The following SLC38A4 variants were observed in gnomAD, a reference collection of about 807,000 sequenced individuals.
SLC38A4 encodes the protein sodium-coupled neutral amino acid transporter 4.
In SLC38A4, 20 loss-of-function variants were observed where a neutral mutation model predicts 63.1. The ratio of observed to expected loss-of-function variants is 0.32; its 90% CI spans 0.22 to 0.46. The LOEUF (loss-of-function observed/expected upper bound fraction) is 0.46. Ranked by LOEUF, SLC38A4 falls within the 20% of genes least tolerant of loss-of-function variation. The pLI, the probability that SLC38A4 is intolerant of heterozygous loss-of-function variation, is 1.00. For synonymous variants in SLC38A4, 230 were observed against 225.5 expected (o/e 1.02, Z -0.18); for missense variants, 526 against 663.6 (o/e 0.79, Z 2.28).
intron 1 of SLC38A4, among the ~76,000 whole-genome samples, chr12:46,814,573 C>T (rs1052026669): frequency 1.3e-5 from 2 of 151,916 alleles, no homozygotes; most frequent in African/African-American, 4.8e-5. Flanking sequence ...AAGTGACCTA[C>T]ATTTCACTCA....
chr12:46,796,756 G>T (rs1326860916), intron 2 of SLC38A4, among the ~76,000 whole-genome samples: 1 of 26,802 alleles, frequency 3.7e-5, no homozygotes, highest in Non-Finnish European at 3.7e-4. Flanking sequence ...ATCCTCCCTT[G>T]AGGTTTCTTT....
At position 46,765,036 on chromosome 12, in the gene SLC38A4, T is replaced by C. The variant is rs1294985775; in HGVS notation, c.*1665A>G. Reference sequence around the variant, plus strand: ...ATTCAGAAGATACCTTTTTCCACTTTTTATTTTTGTATACTTTTTAGATGA... The same window carrying C: ...ATTCAGAAGATACCTTTTTCCACTTCTTATTTTTGTATACTTTTTAGATGA... On this transcript the variant is annotated 3_prime_UTR_variant, in exon 17 of 17. Transcript: ENST00000266579. 2 of 152,670 alleles carry C rather than the reference T, an allele frequency of 1.3e-5. No individual in the cohort carries two copies. The highest frequency in any genetic ancestry group is 2.9e-5 in the Non-Finnish European group (2 of 68,058). 9.5% of individuals were successfully genotyped at this position (152,670 alleles called of 1,614,324 possible).
chr12:46,830,298 T>TCTCACA (rs1180274940), upstream of SLC38A4, among the ~76,000 whole-genome samples: 1,283 of 148,388 alleles, frequency 8.6e-3, 21 homozygotes, highest in African/African-American at 0.031. Flanking sequence ...TCTCTCTCTC[T>TCTCACA]CACACACACA....
intron 14 of SLC38A4, among the ~76,000 whole-genome samples, chr12:46,770,863 G>A (rs1203830446): frequency 1.3e-5 from 2 of 152,044 alleles, no homozygotes; most frequent in African/African-American, 2.4e-5. Context: ...GTCACTTAAG[G>A]TGCAGAGATG....
At chr12:46,768,076 C>T (rs1442839510) in intron 16 of SLC38A4, among the ~76,000 whole-genome samples, 1 of 152,092 alleles carries the variant, frequency 6.6e-6, no homozygotes, top group Non-Finnish European at 1.5e-5. Flanking sequence ...GTGGGAAAGG[C>T]TACTACTATT....
At position 46,778,614 on chromosome 12, in the gene SLC38A4, G is replaced by A. The variant is rs769933349; in HGVS notation, c.880C>T (p.Pro294Ser). ...NFMMDYTHRN[P>S]AGLDENQAKG... ...GCCTGGTTCTCATCCAGCCCTGCAGGATTGCGGTGGGTGTAATCCATCATG... is the reference window on the plus strand; with the variant it reads ...GCCTGGTTCTCATCCAGCCCTGCAGAATTGCGGTGGGTGTAATCCATCATG... Residue 294 changes from proline to serine, a missense_variant, in exon 11 of 17, where the codon CCT (proline) becomes TCT (serine). Physicochemically the swap from Pro to Ser is moderately conservative, Grantham distance 74 (BLOSUM62 -1). Coordinates refer to ENST00000266579, the MANE Select transcript of SLC38A4 (RefSeq NM_018018.5). The A allele has an allele frequency of 6.2e-7, 1 of 1,613,096 alleles. No homozygotes were observed. The highest frequency in any genetic ancestry group is 1.1e-5 in the South Asian group (1 of 91,062).
intron 2 of SLC38A4, among the ~76,000 whole-genome samples, chr12:46,797,001 A>G (rs1316674566): frequency 6.6e-6 from 1 of 152,078 alleles, no homozygotes; most frequent in East Asian, 1.9e-4. Flanking sequence ...TCTGCCTTCT[A>G]GGAATTCTCA....
intron 1 of SLC38A4, among the ~76,000 whole-genome samples, chr12:46,813,813 T>TC (rs1158614516): frequency 1.3e-5 from 2 of 152,014 alleles, no homozygotes. Context: ...ATAATAATAG[T>TC]GCCTACCTCA....
At chr12:46,784,709 T>C in intron 6 of SLC38A4, 75 bp from the exon 7 acceptor site, 1 of 1,154,962 alleles carries the variant, frequency 8.7e-7, no homozygotes, top group Non-Finnish European at 1.3e-6. Flanking sequence ...TATAATTCCA[T>C]GCTGGAGTCT....
chr12:46,817,226 C>T (rs2120909912), intron 1 of SLC38A4, among the ~76,000 whole-genome samples: 1 of 151,970 alleles, frequency 6.6e-6, no homozygotes, highest in Admixed American at 6.6e-5. Context: ...TGGTTCTGTA[C>T]AAGAGTTCCA....
At chr12:46,830,437 ACCC>A (rs1452073601), upstream of SLC38A4, among the ~76,000 whole-genome samples, 1 of 151,344 alleles carries the variant, frequency 6.6e-6, no homozygotes, top group Non-Finnish European at 1.5e-5. Flanking sequence ...GATTTCTCCC[ACCC>A]CCTGCTAGGC....
At chr12:46,799,069 GTT>G (rs1939075734) in intron 2 of SLC38A4, among the ~76,000 whole-genome samples, 1 of 152,134 alleles carries the variant, frequency 6.6e-6, no homozygotes, top group Non-Finnish European at 1.5e-5. Context: ...GAGTGTCAAA[GTT>G]TGGCCTATAG....
chr12:46,822,420 C>A (rs1490882980), intron 1 of SLC38A4, among the ~76,000 whole-genome samples: 2 of 152,010 alleles, frequency 1.3e-5, no homozygotes, highest in Non-Finnish European at 2.9e-5. Context: ...GGGACCCTAC[C>A]CCTTCTTATG....
chr12:46,822,238 T>A (rs766032124), intron 1 of SLC38A4, among the ~76,000 whole-genome samples: 2 of 152,116 alleles, frequency 1.3e-5, no homozygotes, highest in Non-Finnish European at 2.9e-5. Flanking sequence ...AGGGTAATTA[T>A]TTAAGATACA....
At chr12:46,825,623 T>C (rs1270834907) in intron 1 of SLC38A4, among the ~76,000 whole-genome samples, 1 of 152,086 alleles carries the variant, frequency 6.6e-6, no homozygotes. Flanking sequence ...GTCAGTTTGG[T>C]CATACGGTTT....
upstream of SLC38A4, among the ~76,000 whole-genome samples, chr12:46,826,932 CAG>C (rs1172868771): frequency 3.9e-5 from 6 of 152,112 alleles, no homozygotes; most frequent in Admixed American, 1.3e-4. Context: ...TGTCAAAAAA[CAG>C]AAAGAAACAT....
chr12:46,810,485 A>G (rs907811558), intron 1 of SLC38A4, among the ~76,000 whole-genome samples: 2 of 151,848 alleles, frequency 1.3e-5, no homozygotes, highest in African/African-American at 4.8e-5. Context: ...GCATGTGTAT[A>G]CCTATGTAAC....
At chr12:46,788,479 T>A in intron 4 of SLC38A4, 49 bp downstream of exon 4, 2 of 1,452,182 alleles carry the variant, frequency 1.4e-6, no homozygotes, top group Non-Finnish European at 9.6e-7. Flanking sequence ...CCTAGGTAGA[T>A]CAGACACCCT....
chr12:46,789,994 C>G (rs2120821137), intron 3 of SLC38A4, among the ~76,000 whole-genome samples: 1 of 152,286 alleles, frequency 6.6e-6, no homozygotes, highest in Non-Finnish European at 1.5e-5. Flanking sequence ...AGGAGAATCG[C>G]TTGAACCTGG....
Sources: allele counts gnomAD v4.1 joint callset (sites outside exome capture counted in the v4.1 genomes callset), GRCh38; gene constraint gnomAD v4.1.1; transcripts MANE v1.5; gene names NCBI Gene and HGNC (gene_info 2026-07-23, HGNC 2026-07-21).